GOLIM4: variants seen among roughly 807,000 people sequenced by gnomAD.
GOLIM4 encodes the protein golgi integral membrane protein 4.
Under a neutral mutation model 107.4 loss-of-function variants are expected in GOLIM4, and 71 were observed. The ratio of observed to expected loss-of-function variants is 0.66; its 90% CI spans 0.55 to 0.81. The LOEUF (loss-of-function observed/expected upper bound fraction) is 0.81. GOLIM4 is among the 30% of genes least tolerant of loss of function. GOLIM4 has a pLI of 0.00. For missense variants in GOLIM4, 830 were observed against 826.1 expected (o/e 1.00, Z -0.06); for synonymous variants, 327 against 294.8 (o/e 1.11, Z -1.12).
chr3:168,049,509 T>C (rs1719498243), intron 1 of GOLIM4, among the ~76,000 whole-genome samples: 1 of 152,186 alleles, frequency 6.6e-6, no homozygotes, highest in African/African-American at 2.4e-5. Flanking sequence ...TCCTGTTTGT[T>C]CAGCATTATG....
Position 168,010,226 on chromosome 3 carries a change from A to G in GOLIM4, c.*43T>C. On this transcript the variant is annotated 3_prime_UTR_variant, in exon 16 of 16. Transcript: ENST00000470487. ...GGCAGATTTATGTTTGAGCAGCTTG[A>G]AAAGAATCCGTTGGCTGAGCGTTGT... 1.9e-6 allele frequency: 3 copies of G among 1,573,268 alleles called. No homozygotes were observed. The highest frequency in any genetic ancestry group is 2.6e-6 in the Non-Finnish European group (3 of 1,157,252).
At chr3:168,013,004 A>T (rs1464286958) in intron 14 of GOLIM4, among the ~76,000 whole-genome samples, 1 of 148,764 alleles carries the variant, frequency 6.7e-6, no homozygotes, top group Non-Finnish European at 1.5e-5. Flanking sequence ...TAACCAGCTA[A>T]CATCATAATG....
chr3:168,019,860 T>G (rs1455253515), intron 14 of GOLIM4, among the ~76,000 whole-genome samples: 7 of 152,190 alleles, frequency 4.6e-5, no homozygotes, highest in African/African-American at 1.7e-4. Context: ...GACAGCCTGA[T>G]CCCTTCATGG....
chr3:168,047,645 T>C (rs2108252287), intron 2 of GOLIM4, among the ~76,000 whole-genome samples: 1 of 152,308 alleles, frequency 6.6e-6, no homozygotes, highest in South Asian at 2.1e-4. Context: ...TCAAGATTTA[T>C]CATAAAACAT....
Position 168,041,895 on chromosome 3 carries a change from T to C in GOLIM4, c.518-421A>G, listed in dbSNP as rs552157577. Reference sequence around the variant, plus strand: ...TAAAAATAATTTAAAATTTTAAAAATATATAAAAATAAAATAATCAGAAAG... The same window carrying C: ...TAAAAATAATTTAAAATTTTAAAAACATATAAAAATAAAATAATCAGAAAG... On this transcript the variant is annotated intron_variant, in intron 5 of 15. Transcript: ENST00000470487. 2.8e-4 allele frequency among the ~76,000 whole-genome samples: 42 copies of C among 152,094 alleles called. No individual in the cohort carries two copies. The South Asian group carries it at 8.5e-3, about 31-fold the overall frequency.
At chr3:168,030,506 T>C (rs1032428084) in intron 9 of GOLIM4, among the ~76,000 whole-genome samples, 2 of 72,376 alleles carry the variant, frequency 2.8e-5, no homozygotes, top group African/African-American at 1.3e-4. Flanking sequence ...AGGCTAAGCA[T>C]AGCCAAAAAA....
At position 168,043,185 on chromosome 3, in the gene GOLIM4, T is replaced by C. The variant is rs111904374; in HGVS notation, c.517+194A>G. On this transcript the variant is annotated intron_variant, in intron 5 of 15. Transcript: ENST00000470487. ...ACGATACAACAGAACACACGACATA[T>C]TCTATTCTGCTTCCCTAAACCAACC... 1.7e-3 allele frequency among the ~76,000 whole-genome samples: 254 copies of C among 152,230 alleles called. 1 individual carries two copies. Among genetic ancestry groups the C allele is most frequent in the African/African-American group, 5.7e-3 (238 of 41,546 alleles).
intron 1 of GOLIM4, among the ~76,000 whole-genome samples, chr3:168,067,541 A>C (rs990504498): frequency 6.6e-6 from 1 of 151,648 alleles, no homozygotes; most frequent in African/African-American, 2.4e-5. Context: ...CACACACACA[A>C]AACTATCTTT....
chr3:168,079,801 T>G (rs1721254337), intron 1 of GOLIM4, among the ~76,000 whole-genome samples: 1 of 152,100 alleles, frequency 6.6e-6, no homozygotes, highest in Non-Finnish European at 1.5e-5. Context: ...ATAAAATATA[T>G]CATTAATTTT....
intron 1 of GOLIM4, among the ~76,000 whole-genome samples, chr3:168,087,457 T>C (rs888274974): frequency 6.6e-6 from 1 of 152,206 alleles, no homozygotes; most frequent in African/African-American, 2.4e-5. Context: ...TTTTTCATTA[T>C]ATGATTCACT....
At chr3:168,055,733 C>G (rs1374389139) in intron 1 of GOLIM4, among the ~76,000 whole-genome samples, 1 of 147,140 alleles carries the variant, frequency 6.8e-6, no homozygotes, top group Non-Finnish European at 1.5e-5. Flanking sequence ...ACCCAGGAGG[C>G]GGAGCTTGCA....
intron 1 of GOLIM4, among the ~76,000 whole-genome samples, chr3:168,067,619 T>C (rs1210955149): frequency 6.6e-6 from 1 of 152,066 alleles, no homozygotes; most frequent in East Asian, 1.9e-4. Context: ...TCATTGTTTA[T>C]TTAAAAATCA....
chr3:168,071,829 T>C (rs915019189), intron 1 of GOLIM4, among the ~76,000 whole-genome samples: 3 of 152,158 alleles, frequency 2.0e-5, no homozygotes, highest in Non-Finnish European at 4.4e-5. Context: ...TTGTTAACTT[T>C]AAGTATCCAC....
rs762748170 is a variant in GOLIM4, at chr3:168,095,733, G to T, written c.-448C>A. On this transcript the variant is annotated 5_prime_UTR_variant, in exon 1 of 16. Coordinates refer to ENST00000470487, the MANE Select transcript of GOLIM4 (RefSeq NM_014498.5). ...ACTTTGTTGCCACCTAAGGGAGGGGGTGCGCGCCCAACAAAGGGACCAGGA... is the reference window on the plus strand; with the variant it reads ...ACTTTGTTGCCACCTAAGGGAGGGGTTGCGCGCCCAACAAAGGGACCAGGA... 2.8e-4 allele frequency: 46 copies of T among 163,484 alleles called. No individual in the cohort carries two copies. Among genetic ancestry groups the T allele is most frequent in the Non-Finnish European group, 4.9e-4 (37 of 76,206 alleles). 10.1% of individuals were successfully genotyped at this position (163,484 alleles called of 1,614,324 possible). A position where few individuals can be genotyped will look rare whatever the true frequency, so the allele number is the denominator to read the frequency against.
In GOLIM4 at chr3:168,043,444, T is replaced by C; in HGVS notation, c.452A>G (p.Asn151Ser). ...KQGEDFSRTF[N>S]DHKQKYLQLQ... ...CTGCAAGTATTTTTGCTTATGGTCATTAAATGTTCTACTGAAGTCTTCCCC... is the reference window on the plus strand; with the variant it reads ...CTGCAAGTATTTTTGCTTATGGTCACTAAATGTTCTACTGAAGTCTTCCCC... The change falls in exon 5 of 16, where the codon AAT (asparagine) becomes AGT (serine). Residue 151 changes from asparagine to serine, a missense_variant. Coordinates refer to ENST00000470487, the MANE Select transcript of GOLIM4 (RefSeq NM_014498.5). The C allele has an allele frequency of 6.2e-7, 1 of 1,613,252 alleles. No individual in the cohort carries two copies. Among genetic ancestry groups the C allele is most frequent in the Non-Finnish European group, 8.5e-7 (1 of 1,179,354 alleles).
rs1719342929 is a variant in GOLIM4 at position 168,047,003 on chromosome 3, G to T, written c.263-4C>A. 2 of 1,216,598 alleles carry T rather than the reference G, an allele frequency of 1.6e-6. No homozygotes were observed. The highest frequency in any genetic ancestry group is 2.3e-6 in the Non-Finnish European group (2 of 862,862). 75.4% of individuals were successfully genotyped at this position (1,216,598 alleles called of 1,614,324 possible). ...TCTAACTTATAAACAAGAAAATCTA[G>T]AAAATACAAGATGGAAAAAAACAGT... On this transcript the variant is annotated splice_polypyrimidine_tract_variant and splice_region_variant and intron_variant, in intron 2 of 15. Coordinates refer to ENST00000470487, the MANE Select transcript of GOLIM4 (RefSeq NM_014498.5).
chr3:168,012,413 A>T (rs375974383), intron 14 of GOLIM4, among the ~76,000 whole-genome samples: 2 of 147,386 alleles, frequency 1.4e-5, no homozygotes, highest in South Asian at 2.1e-4. Flanking sequence ...CTACGTCTGA[A>T]TGGTGTACCT....
chr3:168,078,829 T>C (rs1419741409), intron 1 of GOLIM4, among the ~76,000 whole-genome samples: 1 of 152,216 alleles, frequency 6.6e-6, no homozygotes, highest in Non-Finnish European at 1.5e-5. Context: ...TGAATAATGG[T>C]TAACAAAGAA....
At chr3:168,033,603 T>G (rs1009664250) in intron 8 of GOLIM4, among the ~76,000 whole-genome samples, 1 of 40,800 alleles carries the variant, frequency 2.5e-5, no homozygotes, top group Non-Finnish European at 4.3e-5. Context: ...CAAGACTCCG[T>G]CTCAAAAAAA....
Sources: allele counts gnomAD v4.1 joint callset (sites outside exome capture counted in the v4.1 genomes callset), GRCh38; gene constraint gnomAD v4.1.1; transcripts MANE v1.5; gene names NCBI Gene and HGNC (gene_info 2026-07-23, HGNC 2026-07-21).